The following TRIM16 variants were observed in gnomAD, a reference collection of about 807,000 sequenced individuals.
TRIM16 encodes tripartite motif containing 16.
TRIM16 carries 33 observed loss-of-function variants against 50.4 expected under a neutral mutation model. The ratio of observed to expected loss-of-function variants is 0.65; its 90% CI spans 0.50 to 0.88. The LOEUF is 0.88. Among genes scored for constraint, TRIM16 ranks in the 40% least tolerant of loss-of-function variants. The probability of loss-of-function intolerance (pLI) is 0.00; values close to 1 mark genes in which losing one functional copy is unlikely to be tolerated. For synonymous variants in TRIM16, 229 were observed against 270.7 expected (o/e 0.85, Z 1.51); for missense variants, 581 against 686.8 (o/e 0.85, Z 1.72).
In TRIM16 at chr17:15,639,111, G is replaced by A. The variant is rs796367488; in HGVS notation, c.616-2842C>T. 6.3e-3 allele frequency among the ~76,000 whole-genome samples: 730 copies of A among 116,058 alleles called. 2 individuals are homozygous for A. Among genetic ancestry groups the A allele is most frequent in the African/African-American group, 0.026 (607 of 23,198 alleles). 76.1% of individuals were successfully genotyped at this position (116,058 alleles called of 152,430 possible). ...TCTGTTGCCAGGTTGGAGTGGCACAGTCTTGGCTCACTGCAGCTTTGACAT... is the reference window on the plus strand; with the variant it reads ...TCTGTTGCCAGGTTGGAGTGGCACAATCTTGGCTCACTGCAGCTTTGACAT... On this transcript the variant is annotated intron_variant, in intron 8 of 11. Transcript: ENST00000649191.
intron 3 of TRIM16, 79 bp downstream of exon 3, chr17:15,682,775 A>C: frequency 7.7e-7 from 1 of 1,296,054 alleles, no homozygotes; most frequent in Non-Finnish European, 9.9e-7. Context: ...AGAGTACGGA[A>C]GTAAGGTATC....
chr17:15,680,327 T>A (rs1449100461), intron 4 of TRIM16, among the ~76,000 whole-genome samples: 1 of 109,204 alleles, frequency 9.2e-6, no homozygotes, highest in Non-Finnish European at 1.8e-5. Flanking sequence ...TTATATTGAG[T>A]AGGCCCTTAA....
chr17:15,674,479 T>C (rs910551335), intron 6 of TRIM16, among the ~76,000 whole-genome samples: 1 of 152,150 alleles, frequency 6.6e-6, no homozygotes, highest in Non-Finnish European at 1.5e-5. Flanking sequence ...TGTCTGGCCA[T>C]TGACAGCATT....
At chr17:15,636,001 G>T in intron 9 of TRIM16, 35 bp downstream of exon 9, 2 of 1,608,588 alleles carry the variant, frequency 1.2e-6, no homozygotes, top group Non-Finnish European at 1.7e-6. Flanking sequence ...TCATGGGGCA[G>T]CTGTGGGATG....
In TRIM16 at chr17:15,629,004, A is replaced by G. The variant is rs1198020229; in HGVS notation, c.1306T>C (p.Phe436Leu). The change falls in exon 12 of 12, where the codon TTC becomes CTC. Residue 436 changes from phenylalanine (F) to leucine (L), a missense_variant. Around this residue, in one of 3 missense-constraint regions of TRIM16, gnomAD observed 450 missense variants for 544.3 expected, o/e 0.83. Coordinates refer to ENST00000649191, the MANE Select transcript of TRIM16 (RefSeq NM_001348119.1). ...LHRYYFEVEIFGAGTYVGLTC... is the reference protein window; with the variant it reads ...LHRYYFEVEILGAGTYVGLTC... ...AGGCCAACATAGGTGCCTGCCCCGA[A>G]GATCTCCACCTCAAAATAGTACCTG... 1 of 1,613,974 alleles carries G rather than the reference A, an allele frequency of 6.2e-7. No homozygotes were observed.
intron 7 of TRIM16, among the ~76,000 whole-genome samples, chr17:15,650,279 C>G (rs1293344684): frequency 6.6e-6 from 1 of 152,128 alleles, no homozygotes; most frequent in South Asian, 2.1e-4. Context: ...CTACACTTCC[C>G]GACTGAAAAC....
Position 15,658,735 on chromosome 17 carries a change from C to G in TRIM16, c.-337-6789G>C, listed in dbSNP as rs186902887. 8 of 914,796 alleles carry G rather than the reference C, an allele frequency of 8.7e-6. No homozygotes were observed. The East Asian group carries it at 9.5e-4, about 108-fold the overall frequency. 56.7% of individuals were successfully genotyped at this position (914,796 alleles called of 1,614,324 possible). ...AATTTTTCTCGTAAAATCTCAAAGT[C>G]TGAGAACCACTGAGCTGGAAGTCGC... On this transcript the variant is annotated intron_variant, in intron 6 of 11. Transcript: ENST00000649191.
chr17:15,674,841 C>T (rs1988861220), intron 6 of TRIM16, among the ~76,000 whole-genome samples: 1 of 152,254 alleles, frequency 6.6e-6, no homozygotes. Flanking sequence ...GATCACAAAA[C>T]AGTGGGATGA....
chr17:15,654,387 G>C (rs1407279735), intron 6 of TRIM16: 1 of 152,192 alleles, frequency 6.6e-6, no homozygotes, highest in Non-Finnish European at 1.5e-5. Flanking sequence ...ATCCTGGCCA[G>C]GGTCAGAAAC....
At chr17:15,638,258 T>TAAAAAAAAAAA (rs535590168) in intron 8 of TRIM16, among the ~76,000 whole-genome samples, 2 of 115,080 alleles carry the variant, frequency 1.7e-5, no homozygotes, top group Admixed American at 8.3e-5. Context: ...AAAATAAATT[T>TAAAAAAAAAAA]AAAAAAAAAA....
rs145594570 is a variant in TRIM16 at position 15,651,223 on chromosome 17, T to A, written c.387A>T (p.Arg129=). 4.8e-5 allele frequency: 78 copies of A among 1,614,102 alleles called. No homozygotes were observed. Among genetic ancestry groups the A allele is most frequent in the Non-Finnish European group, 7.6e-6 (9 of 1,180,040 alleles). ...GTGGGCTGTGGTGGGCAGGGCAGTA[T>A]CGCCAGTTGTGGTCCTTCACTGGCT... ...LTEPVKDHNW[R]YCPAHHSPLS... is the part of the protein sequence containing the mutation. The change falls in exon 7 of 12, where the codon CGA becomes CGT. Residue 129 remains arginine (R), a synonymous_variant. Coordinates refer to ENST00000649191, the MANE Select transcript of TRIM16 (RefSeq NM_001348119.1).
chr17:15,643,020 G>A (rs1250020587), intron 7 of TRIM16: 3 of 722,978 alleles, frequency 4.1e-6, no homozygotes, highest in Admixed American at 5.1e-5. Context: ...ATGAGTCAGC[G>A]AAAATACAGT....
intron 4 of TRIM16, among the ~76,000 whole-genome samples, chr17:15,679,916 G>A (rs1346560148): frequency 4.2e-5 from 6 of 143,804 alleles, no homozygotes; most frequent in Non-Finnish European, 7.5e-5. Flanking sequence ...CAGCCTGGGC[G>A]AGAGAGCGAG....
rs201949473 is a variant in TRIM16 at position 15,628,687 on chromosome 17, G to A, written c.1623C>T (p.Asn541=). Residue 541 remains asparagine, a synonymous_variant, in exon 12 of 12, where the codon AAC becomes AAT. Coordinates refer to ENST00000649191, the MANE Select transcript of TRIM16 (RefSeq NM_001348119.1). ...YAAFWLSKKE[N]AIRIVDLGEE... ...CTCCCAGATCTACAATCCGGATGGC[G>A]TTTTCCTTCTTGGAAAGCCAGAAGG... The A allele has an allele frequency of 1.4e-5, 22 of 1,614,056 alleles. No individual in the cohort carries two copies. Among genetic ancestry groups the A allele is most frequent in the South Asian group, 2.2e-5 (2 of 91,082 alleles).
chr17:15,670,791 G>A (rs185959819), intron 6 of TRIM16, among the ~76,000 whole-genome samples: 5 of 152,302 alleles, frequency 3.3e-5, no homozygotes, highest in East Asian at 3.9e-4. Flanking sequence ...TATAAAAACC[G>A]TGATACTGAA....
intron 7 of TRIM16, among the ~76,000 whole-genome samples, chr17:15,649,347 C>G: frequency 6.6e-6 from 1 of 152,042 alleles, no homozygotes; most frequent in Admixed American, 6.6e-5. Flanking sequence ...AGTGAAGTGG[C>G]ACGATCTCGG....
At position 15,651,272 on chromosome 17, in the gene TRIM16, T is replaced by C; in HGVS notation, c.338A>G (p.Lys113Arg). 2.5e-6 allele frequency: 4 copies of C among 1,614,218 alleles called. No individual in the cohort carries two copies. Among genetic ancestry groups the C allele is most frequent in the Non-Finnish European group, 3.4e-6 (4 of 1,180,042 alleles). Residue 113 changes from lysine to arginine, a missense_variant, in exon 7 of 12, where the codon AAA (lysine) becomes AGA (arginine). This residue lies in a region of TRIM16 where 450 missense variants were observed against 544.3 expected (regional missense o/e 0.83). Transcript: ENST00000649191. ...EHLQPHQVNI[K>R]LQSHLLTEPV... is the part of the protein sequence containing the mutation. ...CTCGGTCAGCAGGTGGCTTTGCAGT[T>C]TGATGTTCACCTGATGCGGCTGCAA...
At chr17:15,683,527 T>C (rs1989264489) in intron 1 of TRIM16, 1 of 168,012 alleles carries the variant, frequency 6.0e-6, no homozygotes, top group Admixed American at 5.9e-5. Flanking sequence ...TACTTTTCAT[T>C]CTTGGGTGTT....
chr17:15,674,212 A>T (rs1300523618), intron 6 of TRIM16, among the ~76,000 whole-genome samples: 2 of 152,100 alleles, frequency 1.3e-5, no homozygotes, highest in Non-Finnish European at 2.9e-5. Flanking sequence ...TCTACAAAAA[A>T]TACAAAAATT....
Sources: allele counts gnomAD v4.1 joint callset (sites outside exome capture counted in the v4.1 genomes callset), GRCh38; gene constraint gnomAD v4.1.1; regional missense constraint gnomAD v4.1.1; transcripts MANE v1.5; gene names NCBI Gene and HGNC (gene_info 2026-07-23, HGNC 2026-07-21).